IDO2: variants seen among roughly 807,000 people sequenced by gnomAD.
The protein encoded by IDO2 is indoleamine 2,3-dioxygenase 2, also known as indoleamine 2,3-dioxygenase-like 1 protein.
A neutral mutation model predicts 45.1 loss-of-function variants in IDO2; 46 were observed. The observed-to-expected ratio is 1.02, with a 90% CI of 0.80 to 1.30. IDO2 has a LOEUF of 1.30. Ranked by LOEUF, IDO2 falls within the 50% of genes most tolerant of loss-of-function variation. The pLI is 0.00. For synonymous variants in IDO2, 218 were observed against 184.9 expected (o/e 1.18, Z -1.45); for missense variants, 544 against 491.8 (o/e 1.11, Z -1.00).
intron 8 of IDO2, among the ~76,000 whole-genome samples, chr8:40,000,152 A>G (rs1358620643): frequency 6.6e-6 from 1 of 152,150 alleles, no homozygotes; most frequent in African/African-American, 2.4e-5. Flanking sequence ...GGTGGATCAC[A>G]CCTGTAATCC....
At chr8:39,963,639 T>A (rs1370001550) in exon 3 of IDO2, 2 of 1,611,908 alleles carry the variant, frequency 1.2e-6, no homozygotes, top group Non-Finnish European at 1.7e-6. Flanking sequence ...AGGCCTTGGA[T>A]GGAAATTGCC....
chr8:39,965,646 G>T (rs1808073804), intron 3 of IDO2, among the ~76,000 whole-genome samples: 1 of 152,152 alleles, frequency 6.6e-6, no homozygotes, highest in African/African-American at 2.4e-5. Context: ...GTTAAGCTGA[G>T]GTGATACTGG....
At chr8:40,009,101 G>C (rs1385788924) in intron 9 of IDO2, among the ~76,000 whole-genome samples, 1 of 152,134 alleles carries the variant, frequency 6.6e-6, no homozygotes, top group Non-Finnish European at 1.5e-5. Context: ...TGCAACCTCT[G>C]CCTCCCAGGT....
chr8:39,955,271 T>G (rs1258264816), intron 2 of IDO2, among the ~76,000 whole-genome samples: 1 of 69,008 alleles, frequency 1.4e-5, no homozygotes, highest in East Asian at 5.1e-4. Flanking sequence ...TTTTTTTTTT[T>G]GAAACAGAGT....
At chr8:39,939,576 A>C (rs139524290) in intron 1 of IDO2, among the ~76,000 whole-genome samples, 22,546 of 141,242 alleles carry the variant, frequency 0.16, 2,298 homozygotes, top group South Asian at 0.29. Context: ...AAAAAAAGGA[A>C]AGAAAGAAAG....
chr8:40,006,058 C>T (rs1383220429), intron 9 of IDO2, among the ~76,000 whole-genome samples: 1 of 152,158 alleles, frequency 6.6e-6, no homozygotes, highest in Non-Finnish European at 1.5e-5. Context: ...AGACCAGGCC[C>T]TCACCAGACA....
At chr8:39,987,495 A>C (rs1470907959) in intron 6 of IDO2, 1 of 171,206 alleles carries the variant, frequency 5.8e-6, no homozygotes, top group African/African-American at 2.4e-5. Context: ...CCATGGTTTC[A>C]TACCTGCAAA....
chr8:39,935,860 A>G (rs1310222140), intron 1 of IDO2, among the ~76,000 whole-genome samples: 2 of 152,220 alleles, frequency 1.3e-5, no homozygotes, highest in Non-Finnish European at 2.9e-5. Flanking sequence ...GCAAAACCTG[A>G]AGTATTTTCA....
intron 1 of IDO2, among the ~76,000 whole-genome samples, chr8:39,945,591 T>A (rs1339201241): frequency 1.3e-5 from 2 of 152,110 alleles, no homozygotes; most frequent in African/African-American, 2.4e-5. Context: ...TGGTTTCTGT[T>A]TAGCCCTTAG....
chr8:39,975,035 G>A (rs557747215), intron 3 of IDO2, among the ~76,000 whole-genome samples: 2 of 152,176 alleles, frequency 1.3e-5, no homozygotes, highest in African/African-American at 4.8e-5. Flanking sequence ...CTTGAACCCA[G>A]GAGGCAGAGG....
intron 1 of IDO2, among the ~76,000 whole-genome samples, chr8:39,937,534 T>C (rs1264466844): frequency 6.6e-6 from 1 of 151,896 alleles, no homozygotes; most frequent in Non-Finnish European, 1.5e-5. Context: ...CTTTTTTTTT[T>C]TTTTGAGACA....
chr8:39,957,727 CACTTT>C (rs1237440590), intron 2 of IDO2, among the ~76,000 whole-genome samples: 1 of 152,170 alleles, frequency 6.6e-6, no homozygotes, highest in East Asian at 1.9e-4. Flanking sequence ...CTTTCTCCTT[CACTTT>C]ACTTTGATGC....
chr8:39,988,037 C>G, intron 7 of IDO2, 67 bp downstream of exon 7: 4 of 880,032 alleles, frequency 4.5e-6, no homozygotes, highest in Non-Finnish European at 7.3e-6. Context: ...CACTCAGTGC[C>G]TTTCCTGCAG....
chr8:39,953,262 T>G (rs1807837886), intron 2 of IDO2, among the ~76,000 whole-genome samples: 1 of 152,194 alleles, frequency 6.6e-6, no homozygotes, highest in African/African-American at 2.4e-5. Flanking sequence ...TGAAGAGTTT[T>G]CCTCAAAGAA....
chr8:39,944,847 C>G (rs1250774335), intron 1 of IDO2, among the ~76,000 whole-genome samples: 12 of 152,276 alleles, frequency 7.9e-5, no homozygotes, highest in Middle Eastern at 3.4e-3. Context: ...GTCTCTCGGT[C>G]GCTGGCTAAT....
exon 11 of IDO2, chr8:40,015,523 C>T (rs1802374473): frequency 4.3e-6 from 7 of 1,613,964 alleles, no homozygotes; most frequent in East Asian, 4.5e-5. Flanking sequence ...GACAGGGGCA[C>T]AGGTGGAACC....
At chr8:40,008,399 C>T (rs1261005303) in intron 9 of IDO2, among the ~76,000 whole-genome samples, 1 of 152,140 alleles carries the variant, frequency 6.6e-6, no homozygotes, top group African/African-American at 2.4e-5. Context: ...ACCTCTCCTT[C>T]TGCCTCTAGC....
chr8:39,948,208 G>A (rs572425480), intron 1 of IDO2, among the ~76,000 whole-genome samples: 183 of 152,134 alleles, frequency 1.2e-3, no homozygotes, highest in Non-Finnish European at 2.1e-3. Context: ...CTTCTTTAAC[G>A]TGATCGAATA....
At chr8:39,969,970 GCCAAA>G (rs1450002178) in intron 3 of IDO2, among the ~76,000 whole-genome samples, 1 of 152,120 alleles carries the variant, frequency 6.6e-6, no homozygotes, top group Non-Finnish European at 1.5e-5. Flanking sequence ...GGCCTCTTTT[GCCAAA>G]CAGCCAAGCT....
Sources: allele counts gnomAD v4.1 joint callset (sites outside exome capture counted in the v4.1 genomes callset), GRCh38; gene constraint gnomAD v4.1.1; transcripts MANE v1.5; gene names NCBI Gene and HGNC (gene_info 2026-07-23, HGNC 2026-07-21).